The following ENAH variants were observed in gnomAD, a reference collection of about 807,000 sequenced individuals.
ENAH encodes the protein ENAH actin regulator.
ENAH carries 23 observed loss-of-function variants against 78.7 expected under a neutral mutation model. The observed-to-expected ratio is 0.29, with a 90% confidence interval of 0.21 to 0.41. ENAH has a LOEUF of 0.41. Among genes scored for constraint, ENAH ranks in the 10% least tolerant of loss-of-function variants. The pLI is 1.00. For synonymous variants in ENAH, 226 were observed against 241.0 expected, an observed-to-expected ratio of 0.94 and a Z score of 0.58; for missense variants, 544 against 691.0, an observed-to-expected ratio of 0.79 and a Z score of 2.39.
chr1:225,565,756 G>A (rs1257168459), intron 2 of ENAH, among the ~76,000 whole-genome samples: 1 of 152,044 alleles, frequency 6.6e-6, no homozygotes, highest in Non-Finnish European at 1.5e-5. Context: ...ACTACAAATG[G>A]GACAAAGGGG....
At chr1:225,499,522 G>GT (rs1310850548) in intron 12 of ENAH, among the ~76,000 whole-genome samples, 1 of 151,926 alleles carries the variant, frequency 6.6e-6, no homozygotes, top group Non-Finnish European at 1.5e-5. Context: ...AACTACAAAA[G>GT]TTAGCCGGGC....
intron 3 of ENAH, among the ~76,000 whole-genome samples, chr1:225,547,942 A>C (rs1333333905): frequency 3.9e-5 from 6 of 152,172 alleles, no homozygotes; most frequent in Non-Finnish European, 8.8e-5. Flanking sequence ...ATCTGTCCTC[A>C]GACAGGGTTT....
At chr1:225,588,801 C>CAAAAAAAAAAAAAAAA (rs55962047) in intron 1 of ENAH, among the ~76,000 whole-genome samples, 1 of 78,428 alleles carries the variant, frequency 1.3e-5, no homozygotes, top group African/African-American at 5.3e-5. Flanking sequence ...AAGTCTGTGT[C>CAAAAAAAAAAAAAAAA]AAAAAAAAAA....
chr1:225,597,666 A>AAG (rs1247244314), intron 1 of ENAH, among the ~76,000 whole-genome samples: 3 of 150,940 alleles, frequency 2.0e-5, no homozygotes, highest in African/African-American at 7.3e-5. Flanking sequence ...AAAAAAAAAA[A>AAG]AAAAAAAAAA....
chr1:225,612,502 A>G (rs896078098), intron 1 of ENAH, among the ~76,000 whole-genome samples: 21 of 152,342 alleles, frequency 1.4e-4, no homozygotes, highest in African/African-American at 5.1e-4. Flanking sequence ...CTGGAAGTAG[A>G]TAGTGGCAAT....
At chr1:225,637,211 T>C (rs150638925) in intron 1 of ENAH, among the ~76,000 whole-genome samples, 20 of 152,216 alleles carry the variant, frequency 1.3e-4, no homozygotes, top group African/African-American at 4.6e-4. Context: ...TTTTCTGTTG[T>C]TGTTGCTTGG....
chr1:225,629,703 A>T (rs1658652511), intron 1 of ENAH, among the ~76,000 whole-genome samples: 1 of 152,108 alleles, frequency 6.6e-6, no homozygotes, highest in Non-Finnish European at 1.5e-5. Context: ...CAGAGTCTGC[A>T]AAAACTCATC....
intron 1 of ENAH, among the ~76,000 whole-genome samples, chr1:225,634,524 T>C (rs1463261071): frequency 6.6e-6 from 1 of 152,172 alleles, no homozygotes; most frequent in Non-Finnish European, 1.5e-5. Context: ...TACAACCCTG[T>C]AACAGGGAAT....
At chr1:225,583,396 T>C (rs1466643709) in intron 1 of ENAH, among the ~76,000 whole-genome samples, 3 of 142,170 alleles carry the variant, frequency 2.1e-5, no homozygotes, top group Non-Finnish European at 3.0e-5. Flanking sequence ...ATCGCGCCAT[T>C]GCACTCCAGA....
At chr1:225,623,697 T>G (rs547379449) in intron 1 of ENAH, among the ~76,000 whole-genome samples, 2 of 131,460 alleles carry the variant, frequency 1.5e-5, no homozygotes, top group African/African-American at 8.9e-5. Flanking sequence ...ACCATTCTCC[T>G]GCCTCAGCCT....
At chr1:225,642,887 T>A (rs1032762319) in intron 1 of ENAH, among the ~76,000 whole-genome samples, 2 of 152,070 alleles carry the variant, frequency 1.3e-5, no homozygotes, top group Non-Finnish European at 2.9e-5. Context: ...ATTAAACCAA[T>A]GAGGTAACAC....
At chr1:225,612,141 A>G (rs1421132082) in intron 1 of ENAH, among the ~76,000 whole-genome samples, 2 of 152,230 alleles carry the variant, frequency 1.3e-5, no homozygotes, top group African/African-American at 4.8e-5. Flanking sequence ...AAATCTTCAT[A>G]GCAGCTCTAT....
chr1:225,504,784 C>A, intron 11 of ENAH, among the ~76,000 whole-genome samples: 1 of 152,142 alleles, frequency 6.6e-6, no homozygotes, highest in East Asian at 1.9e-4. Context: ...GCCTTAGATT[C>A]CCAGTCTAGT....
At chr1:225,559,600 C>T (rs1358614947) in intron 2 of ENAH, among the ~76,000 whole-genome samples, 2 of 152,122 alleles carry the variant, frequency 1.3e-5, no homozygotes, top group Non-Finnish European at 2.9e-5. Context: ...ATGGCAAAAA[C>T]CACCATTACT....
chr1:225,497,540 C>A lies in ENAH; in HGVS notation c.*235G>T, dbSNP rs766745912. On this transcript the variant is annotated 3_prime_UTR_variant, in exon 14 of 14. Coordinates refer to ENST00000366843, the MANE Select transcript of ENAH (RefSeq NM_018212.6). Reference sequence around the variant, plus strand: ...CTGTTACAGGAACTCTTAAATGATTCTCTTCCATTCTGTTGTAAAGGCCAG... The same window carrying A: ...CTGTTACAGGAACTCTTAAATGATTATCTTCCATTCTGTTGTAAAGGCCAG... 23 of 356,798 alleles carry A rather than the reference C, an allele frequency of 6.4e-5. No homozygotes were observed. In the Middle Eastern group the frequency reaches 3.9e-3, roughly 61 times the overall value. The allele number at this position is 356,798 out of a possible 1,614,324, so 22.1% of individuals were successfully genotyped here.
chr1:225,557,257 T>C (rs1228199796), intron 2 of ENAH, among the ~76,000 whole-genome samples: 1 of 152,184 alleles, frequency 6.6e-6, no homozygotes, highest in African/African-American at 2.4e-5. Flanking sequence ...GATCTTTCAT[T>C]AGATTTATTA....
chr1:225,539,049 C>G (rs1482532594), intron 3 of ENAH, among the ~76,000 whole-genome samples: 3 of 152,230 alleles, frequency 2.0e-5, no homozygotes, highest in African/African-American at 7.2e-5. Context: ...CACATTCTGG[C>G]AGAATGCTAC....
At chr1:225,582,059 G>A (rs1262511192) in intron 1 of ENAH, among the ~76,000 whole-genome samples, 1 of 152,070 alleles carries the variant, frequency 6.6e-6, no homozygotes, top group Non-Finnish European at 1.5e-5. Context: ...CCTGGTGCAA[G>A]GTGACAGGAT....
intron 7 of ENAH, among the ~76,000 whole-genome samples, chr1:225,514,220 G>A (rs1042698052): frequency 1.6e-4 from 24 of 152,030 alleles, no homozygotes; most frequent in African/African-American, 4.1e-4. Context: ...AGGCTAGAGC[G>A]CAGTGGCATG....
Sources: allele counts gnomAD v4.1 joint callset (sites outside exome capture counted in the v4.1 genomes callset), GRCh38; gene constraint gnomAD v4.1.1; transcripts MANE v1.5; gene names NCBI Gene and HGNC (gene_info 2026-07-23, HGNC 2026-07-21).